The following CHN2 variants were observed in gnomAD, a reference collection of about 807,000 sequenced individuals.
CHN2 encodes the protein chimerin 2.
A neutral mutation model predicts 56.3 loss-of-function variants in CHN2; 35 were observed. The observed-to-expected ratio is 0.62, with a 90% CI of 0.47 to 0.82. The LOEUF (loss-of-function observed/expected upper bound fraction) is 0.82, where lower values mean the gene tolerates loss of function less well. CHN2 is among the 40% of genes least tolerant of loss of function. CHN2 has a pLI of 0.00. For missense variants in CHN2, 491 were observed against 580.5 expected (o/e 0.85, Z 1.58); for synonymous variants, 210 against 212.8 (o/e 0.99, Z 0.12).
intron 7 of CHN2, among the ~76,000 whole-genome samples, chr7:29,483,132 C>A (rs2128548045): frequency 6.6e-6 from 1 of 152,088 alleles, no homozygotes; most frequent in South Asian, 2.1e-4. Flanking sequence ...GCACTTTTTT[C>A]TAGAGGCCTC....
At chr7:29,243,843 A>G (rs1004253333) in intron 1 of CHN2, among the ~76,000 whole-genome samples, 3 of 152,222 alleles carry the variant, frequency 2.0e-5, no homozygotes, top group Non-Finnish European at 4.4e-5. Context: ...AATTAATTAC[A>G]GTTTATCTCC....
At chr7:29,176,733 AAAC>A (rs1797398076) in intron 2 of CHN2, among the ~76,000 whole-genome samples, 2 of 152,200 alleles carry the variant, frequency 1.3e-5, no homozygotes, top group Admixed American at 6.5e-5. Context: ...TGACAGTATA[AAAC>A]AACAAATAAT....
intron 1 of CHN2, among the ~76,000 whole-genome samples, chr7:29,290,080 T>C (rs1162544137): frequency 6.6e-6 from 1 of 152,244 alleles, no homozygotes; most frequent in African/African-American, 2.4e-5. Flanking sequence ...CACTCTTAAT[T>C]TAAAGGAATC....
rs1059185 is a variant in CHN2 at position 29,513,367 on chromosome 7, T to C, written c.*632T>C. ...CTGCCCCTTGTGTTCCTGCTTTGGATAGTTTTTGCTCTTAAGCATTGGCAT... is the reference window on the plus strand; with the variant it reads ...CTGCCCCTTGTGTTCCTGCTTTGGACAGTTTTTGCTCTTAAGCATTGGCAT... On this transcript the variant is annotated 3_prime_UTR_variant, in exon 13 of 13. Transcript: ENST00000222792. 0.34 allele frequency: 51,863 copies of C among 152,534 alleles called. 9,410 individuals are homozygous for C. Among genetic ancestry groups the C allele is most frequent in the African/African-American group, 0.47 (19,617 of 41,448 alleles). 9.4% of individuals were successfully genotyped at this position (152,534 alleles called of 1,614,324 possible). A position where few individuals can be genotyped will look rare whatever the true frequency, so the allele number is the denominator to read the frequency against.
intron 6 of CHN2, among the ~76,000 whole-genome samples, chr7:29,413,613 C>G (rs1175931025): frequency 2.0e-5 from 3 of 152,116 alleles, no homozygotes; most frequent in Non-Finnish European, 2.9e-5. Context: ...TTCATTGTTC[C>G]TCCTCTTCCA....
Position 29,311,232 on chromosome 7 carries a change from C to A in CHN2, c.50-43393C>A, listed in dbSNP as rs535473493. Among the ~76,000 whole-genome samples the A allele has an allele frequency of 3.9e-5, 6 of 152,274 alleles. No individual in the cohort carries two copies. In the South Asian group the frequency reaches 1.0e-3, roughly 26 times the overall value. Reference sequence around the variant, plus strand: ...CCTGCCTCCTGGCTTTCACTTACACCGTTCCATTGTCCTTCCTGTCACCGA... The same window carrying A: ...CCTGCCTCCTGGCTTTCACTTACACAGTTCCATTGTCCTTCCTGTCACCGA... On this transcript the variant is annotated intron_variant, in intron 1 of 12. Transcript: ENST00000222792.
At chr7:29,254,958 CGG>C (rs1788950236) in intron 1 of CHN2, among the ~76,000 whole-genome samples, 1 of 152,110 alleles carries the variant, frequency 6.6e-6, no homozygotes, top group Non-Finnish European at 1.5e-5. Flanking sequence ...TTCTGAGCAA[CGG>C]CATGCAGTTG....
In CHN2 at chr7:29,400,842, G is replaced by A; in HGVS notation, c.576+14G>A. ...GCGGTGGAAAAGGTGAGCTGTGTGT[G>A]ATGGAAGCAGCCTTTCGTTTTAATC... On this transcript the variant is annotated intron_variant, in intron 6 of 12. Coordinates refer to ENST00000222792, the MANE Select transcript of CHN2 (RefSeq NM_004067.4). 1 of 1,609,744 alleles carries A rather than the reference G, an allele frequency of 6.2e-7. No homozygotes were observed. The highest frequency in any genetic ancestry group is 8.5e-7 in the Non-Finnish European group (1 of 1,177,942).
chr7:29,209,949 G>A (rs1355731808), intron 1 of CHN2, among the ~76,000 whole-genome samples: 1 of 152,100 alleles, frequency 6.6e-6, no homozygotes, highest in African/African-American at 2.4e-5. Context: ...ACTGGATGAG[G>A]GGTCACGTGA....
intron 1 of CHN2, among the ~76,000 whole-genome samples, chr7:29,326,996 T>A (rs1044142419): frequency 6.6e-5 from 10 of 152,204 alleles, no homozygotes; most frequent in African/African-American, 2.2e-4. Context: ...AAACTTCAGA[T>A]GAATGGAGGC....
intron 3 of CHN2, among the ~76,000 whole-genome samples, chr7:29,368,940 T>C (rs774016615): frequency 2.6e-5 from 4 of 152,180 alleles, no homozygotes; most frequent in East Asian, 1.9e-4. Context: ...GGAGGAAATA[T>C]CTGGTGCTTA....
intron 2 of CHN2, among the ~76,000 whole-genome samples, chr7:29,161,796 A>G (rs879580481): frequency 2.0e-5 from 3 of 152,266 alleles, no homozygotes; most frequent in Non-Finnish European, 2.9e-5. Flanking sequence ...AGATTTATCT[A>G]TAGAATATAT....
At chr7:29,283,351 C>A (rs145920303) in intron 1 of CHN2, among the ~76,000 whole-genome samples, 46 of 152,292 alleles carry the variant, frequency 3.0e-4, no homozygotes, top group African/African-American at 1.0e-3. Context: ...AGGTTTGATT[C>A]GCAGAATTCT....
intron 2 of CHN2, chr7:29,148,783 A>G (rs888145663): frequency 1.3e-5 from 2 of 152,186 alleles, no homozygotes; most frequent in African/African-American, 4.8e-5. Flanking sequence ...GTTGTGGGGA[A>G]GGGATGAAGG....
At chr7:29,509,562 G>T (rs1320675739) in intron 12 of CHN2, 156 bp downstream of exon 12, 1 of 590,064 alleles carries the variant, frequency 1.7e-6, no homozygotes, top group Non-Finnish European at 3.0e-6. Context: ...CTATGAAAGG[G>T]GCGCCACTGT....
chr7:29,218,504 G>A (rs890173227), intron 1 of CHN2, among the ~76,000 whole-genome samples: 1 of 152,034 alleles, frequency 6.6e-6, no homozygotes, highest in Non-Finnish European at 1.5e-5. Context: ...ACATGCACAC[G>A]TATGTTTATA....
At position 29,195,663 on chromosome 7, in the gene CHN2, A is replaced by T. The variant is rs930278710; in HGVS notation, c.49+673A>T. 3.4e-5 allele frequency among the ~76,000 whole-genome samples: 5 copies of T among 147,166 alleles called. No homozygotes were observed. The East Asian group carries it at 1.1e-3, about 31-fold the overall frequency. On this transcript the variant is annotated intron_variant, in intron 1 of 12. Coordinates refer to ENST00000222792, the MANE Select transcript of CHN2 (RefSeq NM_004067.4). ...GTGTGTGTGTGTGAGAGAGAGAGAG[A>T]GAGAGACTCCTTAGAGATTTTCTGA...
chr7:29,172,058 T>G (rs2128726335), intron 2 of CHN2, among the ~76,000 whole-genome samples: 1 of 152,312 alleles, frequency 6.6e-6, no homozygotes, highest in South Asian at 2.1e-4. Flanking sequence ...GTCAGCCAGA[T>G]GGGCCAAATC....
At chr7:29,259,121 C>T (rs552159060) in intron 1 of CHN2, among the ~76,000 whole-genome samples, 10 of 151,822 alleles carry the variant, frequency 6.6e-5, no homozygotes, top group Admixed American at 5.2e-4. Flanking sequence ...TGAACCCAGG[C>T]GTTTGAGACC....
Sources: allele counts gnomAD v4.1 joint callset (sites outside exome capture counted in the v4.1 genomes callset), GRCh38; gene constraint gnomAD v4.1.1; transcripts MANE v1.5; gene names NCBI Gene and HGNC (gene_info 2026-07-23, HGNC 2026-07-21).